RAB5A: variants seen among roughly 807,000 people sequenced by gnomAD.
RAB5A encodes the protein ras-related protein Rab-5A.
A neutral mutation model predicts 25.7 loss-of-function variants in RAB5A; 8 were observed. The ratio of observed to expected loss-of-function variants is 0.31; its 90% CI spans 0.18 to 0.56. The LOEUF is 0.56. Ranked by LOEUF, RAB5A falls within the 20% of genes least tolerant of loss-of-function variation. The pLI, the probability that RAB5A is intolerant of heterozygous loss-of-function variation, is 0.91. For synonymous variants in RAB5A, 98 were observed against 89.8 expected (o/e 1.09, Z -0.52); for missense variants, 192 against 259.7 (o/e 0.74, Z 1.79).
intron 2 of RAB5A, among the ~76,000 whole-genome samples, chr3:19,968,314 AC>A (rs1398555479): frequency 6.6e-6 from 1 of 152,088 alleles, no homozygotes; most frequent in Non-Finnish European, 1.5e-5. Flanking sequence ...TTCTCTATAC[AC>A]ATTTATTTAC....
intron 2 of RAB5A, among the ~76,000 whole-genome samples, chr3:19,964,369 T>C (rs1696631576): frequency 7.0e-6 from 1 of 143,550 alleles, no homozygotes; most frequent in Admixed American, 6.7e-5. Flanking sequence ...TAATAACTCG[T>C]ACCCTGTCAT....
rs753467909 is a variant in RAB5A, at chr3:19,978,371, C to A, written c.500C>A (p.Ser167Ter). Residue 167 changes from serine to a stop codon, truncating the protein, a stop_gained, in exon 5 of 6, where the codon TCA becomes TAA. Transcript: ENST00000273047. LOFTEE classifies it high-confidence loss of function. Reference protein sequence around the residue: ...LLFMETSAKTSMNVNEIFMAI... With the variant: ...LLFMETSAKT ...TTCATGGAGACATCCGCTAAAACAT[C>A]AATGAATGTAAATGAAATATTCATG... is the stretch of plus-strand genomic sequence containing the variant. 6.2e-7 allele frequency: 1 copy of A among 1,605,096 alleles called. No homozygotes were observed. Among genetic ancestry groups the A allele is most frequent in the Non-Finnish European group, 8.5e-7 (1 of 1,172,206 alleles).
intron 2 of RAB5A, among the ~76,000 whole-genome samples, chr3:19,970,258 C>G (rs2125188748): frequency 6.6e-6 from 1 of 152,300 alleles, no homozygotes; most frequent in African/African-American, 2.4e-5. Flanking sequence ...TATCCTTTCC[C>G]TTGCCCAGTG....
At chr3:19,975,434 TC>T (rs1411517473) in intron 2 of RAB5A, 166 bp from the exon 3 acceptor site, 4 of 580,464 alleles carry the variant, frequency 6.9e-6, no homozygotes, top group Non-Finnish European at 1.1e-5. Flanking sequence ...CTAGGTGTTT[TC>T]TTTTTTTTTC....
chr3:19,947,687 G>GC (rs1177226025), intron 1 of RAB5A, 166 bp downstream of exon 1: 1 of 152,444 alleles, frequency 6.6e-6, no homozygotes, highest in Non-Finnish European at 1.5e-5. Context: ...GTCTTGTTCT[G>GC]CCAGCCCTGG....
chr3:19,954,939 G>T (rs146486750), intron 2 of RAB5A, among the ~76,000 whole-genome samples: 1 of 152,174 alleles, frequency 6.6e-6, no homozygotes, highest in Non-Finnish European at 1.5e-5. Flanking sequence ...TAGCTTGTTT[G>T]TATGGGTTTA....
In RAB5A at chr3:19,962,296, G is replaced by A. The variant is rs910507743; in HGVS notation, c.163+11235G>A. ...AGAAAATACAATCTACAGGCTGGGC[G>A]TGGTGGCTCACACCTGTAATCCCAG... On this transcript the variant is annotated intron_variant, in intron 2 of 5. Transcript: ENST00000273047. 1.1e-4 allele frequency among the ~76,000 whole-genome samples: 16 copies of A among 152,150 alleles called. No individual in the cohort carries two copies. In the South Asian group the frequency reaches 3.3e-3, roughly 32 times the overall value.
rs1162538261 is a variant in RAB5A, at chr3:19,984,734, G to A, written c.*911G>A. On this transcript the variant is annotated 3_prime_UTR_variant, in exon 6 of 6. Transcript: ENST00000273047. ...ACTGTAAATAGGGTACTGCATTGTA[G>A]TCTCCATATCTGTATTACTTTTCTG... 1.3e-5 allele frequency: 2 copies of A among 153,390 alleles called. No homozygotes were observed. Among genetic ancestry groups the A allele is most frequent in the Non-Finnish European group, 2.9e-5 (2 of 68,756 alleles). 9.5% of individuals were successfully genotyped at this position (153,390 alleles called of 1,614,324 possible). A position where few individuals can be genotyped will look rare whatever the true frequency, so the allele number is the denominator to read the frequency against.
At chr3:19,981,985 A>G (rs1559493926) in intron 5 of RAB5A, among the ~76,000 whole-genome samples, 1 of 152,118 alleles carries the variant, frequency 6.6e-6, no homozygotes, top group South Asian at 2.1e-4. Flanking sequence ...GCTCACTCCT[A>G]TAATCCCAAT....
At chr3:19,966,775 T>C (rs1296942208) in intron 2 of RAB5A, among the ~76,000 whole-genome samples, 1 of 152,222 alleles carries the variant, frequency 6.6e-6, no homozygotes, top group East Asian at 1.9e-4. Context: ...ATTGAACATC[T>C]TTCCATGTGC....
intron 2 of RAB5A, among the ~76,000 whole-genome samples, chr3:19,963,739 G>C (rs1696624322): frequency 2.0e-5 from 3 of 152,036 alleles, no homozygotes; most frequent in Middle Eastern, 3.4e-3. Flanking sequence ...CCACCCCCTG[G>C]GCTCAAATGA....
intron 2 of RAB5A, among the ~76,000 whole-genome samples, chr3:19,963,376 CCCG>C (rs1559488441): frequency 1.2e-5 from 1 of 86,796 alleles, no homozygotes; most frequent in Admixed American, 1.1e-4. Flanking sequence ...CCCCCCCCCC[CCCG>C]ACTTATTTTC....
chr3:19,979,993 T>C (rs1197053134), intron 5 of RAB5A: 2 of 152,232 alleles, frequency 1.3e-5, no homozygotes, highest in African/African-American at 4.8e-5. Flanking sequence ...TATTTTTCAC[T>C]AGGTGACAGA....
intron 1 of RAB5A, among the ~76,000 whole-genome samples, chr3:19,950,536 T>A (rs903186488): frequency 1.3e-5 from 2 of 152,144 alleles, no homozygotes; most frequent in African/African-American, 4.8e-5. Flanking sequence ...TGTAATAATA[T>A]CTCATTTTAT....
chr3:19,958,252 A>G (rs1157822703), intron 2 of RAB5A, among the ~76,000 whole-genome samples: 2 of 152,212 alleles, frequency 1.3e-5, no homozygotes, highest in Admixed American at 6.5e-5. Context: ...CAAAATAATA[A>G]TATCTTTGTT....
At chr3:19,976,279 T>G in intron 4 of RAB5A, 110 bp downstream of exon 4, 1 of 1,221,788 alleles carries the variant, frequency 8.2e-7, no homozygotes, top group Admixed American at 3.0e-5. Flanking sequence ...TAATAGAAAA[T>G]ACTGATTTTT....
At chr3:19,967,180 T>G (rs1696673392) in intron 2 of RAB5A, among the ~76,000 whole-genome samples, 1 of 151,752 alleles carries the variant, frequency 6.6e-6, no homozygotes, top group South Asian at 2.1e-4. Flanking sequence ...AGTTTCAGTC[T>G]GCCGCCCAGG....
intron 5 of RAB5A, chr3:19,978,861 A>C (rs1696868722): frequency 6.6e-6 from 1 of 152,570 alleles, no homozygotes; most frequent in South Asian, 2.1e-4. Flanking sequence ...CATTATAAGG[A>C]AGATGATTTC....
intron 5 of RAB5A, chr3:19,979,837 AC>A (rs926424414): frequency 2.6e-5 from 4 of 151,950 alleles, no homozygotes; most frequent in African/African-American, 9.7e-5. Context: ...ATCCCATAAC[AC>A]CTTTTATTTT....
Sources: allele counts gnomAD v4.1 joint callset (sites outside exome capture counted in the v4.1 genomes callset), GRCh38; gene constraint gnomAD v4.1.1; transcripts MANE v1.5; gene names NCBI Gene and HGNC (gene_info 2026-07-23, HGNC 2026-07-21).